The following NEO1 variants were observed in gnomAD, a reference collection of about 807,000 sequenced individuals.
The protein encoded by NEO1 is neogenin 1, also known as neogenin.
In NEO1, 63 loss-of-function variants were observed where a neutral mutation model predicts 159.7. That is an observed-to-expected ratio of 0.39 (90% CI 0.32 to 0.49). The LOEUF is 0.49. Ranked by LOEUF, NEO1 falls within the 20% of genes least tolerant of loss-of-function variation. The probability of loss-of-function intolerance (pLI) is 0.85; values close to 1 mark genes in which losing one functional copy is unlikely to be tolerated. For missense variants in NEO1, 1,615 were observed against 1,831.0 expected (o/e 0.88, Z 2.15); for synonymous variants, 633 against 662.0 (o/e 0.96, Z 0.67).
At chr15:73,165,258 C>T (rs1002791564) in intron 5 of NEO1, among the ~76,000 whole-genome samples, 12 of 152,106 alleles carry the variant, frequency 7.9e-5, no homozygotes, top group Admixed American at 5.2e-4. Flanking sequence ...TAGTATTTCT[C>T]TCTAAGGAGG....
rs370026167 is a variant in NEO1 at position 73,253,561 on chromosome 15, G to A, written c.1944+112G>A. On this transcript the variant is annotated intron_variant, in intron 12 of 28. Coordinates refer to ENST00000261908, the MANE Select transcript of NEO1 (RefSeq NM_002499.4). ...AGCATCAAAATAAATGAATGGCGATGTGGTAATAATCTGCATTTAAAAATA... is the reference window on the plus strand; with the variant it reads ...AGCATCAAAATAAATGAATGGCGATATGGTAATAATCTGCATTTAAAAATA... 7.1e-5 allele frequency: 47 copies of A among 657,704 alleles called. 1 individual carries two copies. The East Asian group carries it at 8.4e-4, about 12-fold the overall frequency. The allele number at this position is 657,704 out of a possible 1,614,324, so 40.7% of individuals were successfully genotyped here. A position where few individuals can be genotyped will look rare whatever the true frequency, so the allele number is the denominator to read the frequency against.
intron 7 of NEO1, among the ~76,000 whole-genome samples, chr15:73,227,089 T>C (rs1005277573): frequency 6.6e-6 from 1 of 152,202 alleles, no homozygotes; most frequent in East Asian, 1.9e-4. Flanking sequence ...AGTGACACTT[T>C]ATCAGTCACA....
chr15:73,290,495 A>G (rs555775194), intron 25 of NEO1, among the ~76,000 whole-genome samples: 5 of 147,278 alleles, frequency 3.4e-5, no homozygotes, highest in African/African-American at 1.3e-4. Flanking sequence ...GGCCTCCCAA[A>G]GTGCTGGGAT....
chr15:73,116,998 T>C, intron 2 of NEO1, 141 bp downstream of exon 2: 1 of 661,362 alleles, frequency 1.5e-6, no homozygotes, highest in Non-Finnish European at 2.4e-6. Context: ...GTGCATATAC[T>C]CTGCGTATGG....
chr15:73,213,997 G>T (rs548003754), intron 7 of NEO1, among the ~76,000 whole-genome samples: 20 of 152,266 alleles, frequency 1.3e-4, no homozygotes, highest in African/African-American at 4.8e-4. Context: ...TTGTGGTTTT[G>T]ATTTGCATTT....
Position 73,116,857 on chromosome 15 carries a change from G to A in NEO1, c.448G>A (p.Gly150Ser). The change falls in exon 2 of 29, where the codon GGT (glycine) becomes AGT (serine). Residue 150 changes from glycine (G) to serine (S), a missense_variant and splice_region_variant. Transcript: ENST00000261908. ...TAGAACAGCGAAGCTCATAGTAGCA[G>A]GTAAGTTTTAAGTGATTTTTTTTTT... ...ISRTAKLIVA[G>S]LPRFTSQPEP... is the part of the protein sequence containing the mutation. 1 of 1,506,480 alleles carries A rather than the reference G, an allele frequency of 6.6e-7. No homozygotes were observed. The highest frequency in any genetic ancestry group is 1.6e-5 in the African/African-American group (1 of 61,260). The allele number at this position is 1,506,480 out of a possible 1,614,324, so 93.3% of individuals were successfully genotyped here.
At chr15:73,302,506 T>C (rs762987844) in intron 28 of NEO1, 107 bp from the exon 29 acceptor site, 18 of 971,716 alleles carry the variant, frequency 1.9e-5, no homozygotes, top group Non-Finnish European at 2.0e-5. Flanking sequence ...GCCAGTTTTC[T>C]GGGGCCATTT....
At chr15:73,244,949 T>A (rs1302337048) in intron 9 of NEO1, among the ~76,000 whole-genome samples, 1 of 25,174 alleles carries the variant, frequency 4.0e-5, no homozygotes, top group Non-Finnish European at 1.0e-4. Flanking sequence ...AGTGAGACTC[T>A]GTCTCAAAAA....
At chr15:73,165,667 G>A (rs1179106623) in intron 5 of NEO1, among the ~76,000 whole-genome samples, 1 of 152,208 alleles carries the variant, frequency 6.6e-6, no homozygotes, top group East Asian at 1.9e-4. Context: ...ATTAAGGGGC[G>A]TGGACACAAA....
chr15:73,174,638 C>T (rs1223581913), intron 5 of NEO1, among the ~76,000 whole-genome samples: 1 of 152,114 alleles, frequency 6.6e-6, no homozygotes, highest in African/African-American at 2.4e-5. Flanking sequence ...CAACAAAGCA[C>T]CAGCTGACAA....
intron 7 of NEO1, among the ~76,000 whole-genome samples, chr15:73,200,955 T>C (rs1410220644): frequency 2.0e-5 from 3 of 152,064 alleles, no homozygotes; most frequent in Non-Finnish European, 4.4e-5. Context: ...ATTTTGGGTT[T>C]ATAGGCATGA....
At chr15:73,200,485 G>A (rs1157672183) in intron 7 of NEO1, among the ~76,000 whole-genome samples, 1 of 150,756 alleles carries the variant, frequency 6.6e-6, no homozygotes, top group Admixed American at 6.6e-5. Flanking sequence ...AGCAGGAAAG[G>A]GAAGGGGAAA....
At chr15:73,162,315 C>G (rs2034244636) in intron 5 of NEO1, 1 of 211,502 alleles carries the variant, frequency 4.7e-6, no homozygotes, top group Admixed American at 4.3e-5. Flanking sequence ...TTTCAAAGAC[C>G]CCAAGGGAAA....
chr15:73,249,773 T>A, intron 11 of NEO1, 52 bp downstream of exon 11: 1 of 1,548,158 alleles, frequency 6.5e-7, no homozygotes, highest in South Asian at 1.3e-5. Context: ...CCCCTAGTGG[T>A]TTAGTTGTAA....
chr15:73,166,380 AC>A (rs778933534), intron 5 of NEO1, among the ~76,000 whole-genome samples: 6 of 152,188 alleles, frequency 3.9e-5, no homozygotes, highest in Non-Finnish European at 7.3e-5. Flanking sequence ...CGGTCTGCCC[AC>A]CCAGTGCAGC....
At chr15:73,097,638 G>A (rs2070136690) in intron 1 of NEO1, among the ~76,000 whole-genome samples, 1 of 151,980 alleles carries the variant, frequency 6.6e-6, no homozygotes, top group South Asian at 2.1e-4. Flanking sequence ...TGGGATTACA[G>A]GCGCGAGCCA....
intron 1 of NEO1, among the ~76,000 whole-genome samples, chr15:73,089,877 A>C (rs142230869): frequency 5.3e-4 from 81 of 152,296 alleles, no homozygotes; most frequent in African/African-American, 1.9e-3. Context: ...AATAGCAACA[A>C]ATTGGAAATG....
chr15:73,243,284 A>G (rs1462871377), intron 8 of NEO1, among the ~76,000 whole-genome samples: 1 of 152,078 alleles, frequency 6.6e-6, no homozygotes, highest in African/African-American at 2.4e-5. Context: ...TCACAATCAG[A>G]CAAATTGGCA....
rs569761864 is a variant in NEO1, at chr15:73,184,327, T to A, written c.1291+5900T>A. ...CGTGCCACCATGCCTGGCTAACTTT[T>A]GTATTTTTAGTAGAGACAGGGTTTC... On this transcript the variant is annotated intron_variant, in intron 7 of 28. Transcript: ENST00000261908. Among the ~76,000 whole-genome samples the A allele has an allele frequency of 3.9e-4, 60 of 152,234 alleles. 2 individuals carry two copies. The South Asian group carries it at 0.012, about 31-fold the overall frequency.
Sources: allele counts gnomAD v4.1 joint callset (sites outside exome capture counted in the v4.1 genomes callset), GRCh38; gene constraint gnomAD v4.1.1; transcripts MANE v1.5; gene names NCBI Gene and HGNC (gene_info 2026-07-23, HGNC 2026-07-21).